The following IVNS1ABP variants were observed in gnomAD, a reference collection of about 807,000 sequenced individuals.
IVNS1ABP encodes the protein influenza virus NS1A-binding protein.
In IVNS1ABP, 25 loss-of-function variants were observed where a neutral mutation model predicts 78.9. The observed-to-expected ratio is 0.32, with a 90% CI of 0.23 to 0.44. IVNS1ABP has a LOEUF of 0.44. IVNS1ABP is among the 20% of genes least tolerant of loss of function. The probability of loss-of-function intolerance (pLI) is 1.00; values close to 1 mark genes in which losing one functional copy is unlikely to be tolerated. For synonymous variants in IVNS1ABP, 241 were observed against 259.7 expected, an observed-to-expected ratio of 0.93 and a Z score of 0.69; for missense variants, 494 against 768.9, an observed-to-expected ratio of 0.64 and a Z score of 4.23.
rs961272572 is a variant in IVNS1ABP, at chr1:185,297,412, CA to C, written c.*622del. 6.6e-6 allele frequency: 1 copy of C among 152,284 alleles called. No homozygotes were observed. Among genetic ancestry groups the C allele is most frequent in the African/African-American group, 2.4e-5 (1 of 41,444 alleles). 9.4% of individuals were successfully genotyped at this position (152,284 alleles called of 1,614,324 possible). A position where few individuals can be genotyped will look rare whatever the true frequency, so the allele number is the denominator to read the frequency against. On this transcript the variant is annotated 3_prime_UTR_variant, in exon 15 of 15. Transcript: ENST00000367498. ...GTTTAAAAGACAGACCCCTACTCTGCAAACTGAAGACTGCCACTCTGCTTCA... is the reference window on the plus strand; with the variant it reads ...GTTTAAAAGACAGACCCCTACTCTGCAACTGAAGACTGCCACTCTGCTTCA...
chr1:185,301,507 A>C lies in IVNS1ABP; in HGVS notation c.822T>G (p.Cys274Trp). 1 of 1,613,194 alleles carries C rather than the reference A, an allele frequency of 6.2e-7. No individual in the cohort carries two copies. The highest frequency in any genetic ancestry group is 8.5e-7 in the Non-Finnish European group (1 of 1,179,368). ...HKQISSSSTG[C>W]LSSPNATVQS... ...GTACTGTAGCATTTGGAGAAGAGAG[A>C]CATCCAGTTGAACTGCTACTTATCT... Residue 274 changes from cysteine to tryptophan, a missense_variant, in exon 9 of 15, where the codon TGT becomes TGG. Transcript: ENST00000367498.
chr1:185,306,408 G>T, intron 7 of IVNS1ABP: 1 of 1,156,150 alleles, frequency 8.6e-7, no homozygotes, highest in Non-Finnish European at 1.1e-6. Context: ...CAAGTTAAGT[G>T]AGTGACTATA....
chr1:185,304,570 G>A (rs573437399), intron 8 of IVNS1ABP, among the ~76,000 whole-genome samples: 4 of 152,128 alleles, frequency 2.6e-5, no homozygotes, highest in Non-Finnish European at 5.9e-5. Context: ...GGGCTGAGTC[G>A]ACTGCTTTAT....
chr1:185,307,725 T>C (rs918753113), intron 5 of IVNS1ABP, 63 bp from the exon 6 acceptor site: 40 of 1,499,568 alleles, frequency 2.7e-5, no homozygotes, highest in Middle Eastern at 1.8e-4. Flanking sequence ...ATATTTAATG[T>C]TCAGTGTGGT....
chr1:185,298,555 A>C lies in IVNS1ABP; in HGVS notation c.1676-267T>G. The C allele has an allele frequency of 2.2e-6, 1 of 457,512 alleles. No individual in the cohort carries two copies. Among genetic ancestry groups the C allele is most frequent in the African/African-American group, 2.0e-5 (1 of 50,458 alleles). The allele number at this position is 457,512 out of a possible 1,614,324, so 28.3% of individuals were successfully genotyped here. On this transcript the variant is annotated intron_variant, in intron 14 of 14. Transcript: ENST00000367498. This position sits in a 1 kb window ranked among gnomAD's most constrained non-coding sequence, Gnocchi z 4.1. ...GCAGTAGCAGCATCTAAATAAGTAC[A>C]ATTTTCACCAACTCTGTGGTAGTTA...
rs568386313 is a variant in IVNS1ABP at position 185,315,828 on chromosome 1, A to G, written c.-247+1125T>C. Among the ~76,000 whole-genome samples, 3 of 152,282 alleles carry G rather than the reference A, an allele frequency of 2.0e-5. No individual in the cohort carries two copies. The East Asian group carries it at 5.8e-4, about 29-fold the overall frequency. ...GTTAAGAGTGGTACTAGGCTTCCAG[A>G]GTTGTCATCTATTAGTAGACAGAAG... On this transcript the variant is annotated intron_variant, in intron 1 of 14. Transcript: ENST00000367498.
chr1:185,299,304 T>G (rs1665504232), intron 14 of IVNS1ABP: 1 of 181,132 alleles, frequency 5.5e-6, no homozygotes, highest in Admixed American at 5.4e-5. Context: ...TAAAATAGTC[T>G]AAAGGTTGTA....
intron 1 of IVNS1ABP, among the ~76,000 whole-genome samples, chr1:185,314,670 A>C (rs887632657): frequency 1.3e-5 from 2 of 152,084 alleles, no homozygotes; most frequent in African/African-American, 4.8e-5. Flanking sequence ...TGAGTAAAGC[A>C]TGGAAACAGG....
intron 10 of IVNS1ABP, 113 bp downstream of exon 10, chr1:185,300,859 C>G: frequency 1.3e-6 from 1 of 784,504 alleles, no homozygotes; most frequent in Non-Finnish European, 2.1e-6. Flanking sequence ...TGTTATTTCC[C>G]TATCTTATTG....
At chr1:185,313,235 G>GT (rs1665931772) in intron 1 of IVNS1ABP, among the ~76,000 whole-genome samples, 1 of 152,116 alleles carries the variant, frequency 6.6e-6, no homozygotes, top group South Asian at 2.1e-4. Flanking sequence ...ATTATTATGA[G>GT]TTTTGCAGTA....
Position 185,297,928 on chromosome 1 carries a change from T to TG in IVNS1ABP, c.*106dup. Reference sequence around the variant, plus strand: ...TATGCAATATGCAAAAGCTTTGTGTTGCTGTTAGCAACATCTATACCCACC... The same window carrying TG: ...TATGCAATATGCAAAAGCTTTGTGTTGGCTGTTAGCAACATCTATACCCACC... On this transcript the variant is annotated 3_prime_UTR_variant, in exon 15 of 15. Transcript: ENST00000367498. The TG allele has an allele frequency of 9.4e-7, 1 of 1,060,230 alleles. No homozygotes were observed. The highest frequency in any genetic ancestry group is 1.4e-6 in the Non-Finnish European group (1 of 720,462). 65.7% of individuals were successfully genotyped at this position (1,060,230 alleles called of 1,614,324 possible).
chr1:185,310,686 G>T (rs1168398216), intron 2 of IVNS1ABP, among the ~76,000 whole-genome samples: 2 of 152,016 alleles, frequency 1.3e-5, no homozygotes, highest in Non-Finnish European at 2.9e-5. Flanking sequence ...ACCAGTCTGG[G>T]AAACATAGTG....
rs1333330043 is a variant in IVNS1ABP at position 185,301,547 on chromosome 1, T to G, written c.782A>C (p.Glu261Ala). Residue 261 changes from glutamate to alanine, a missense_variant, in exon 9 of 15, where the codon GAG becomes GCG. Coordinates refer to ENST00000367498, the MANE Select transcript of IVNS1ABP (RefSeq NM_006469.5). ...GCTACTTATCTGCTTATGGCCATTC[T>G]CACGTGGTGGCTTTTTCTGCAAAAT... ...IQFVQKKPPR[E>A]NGHKQISSSS... is the part of the protein sequence containing the mutation. The G allele has an allele frequency of 6.2e-7, 1 of 1,612,934 alleles. No individual in the cohort carries two copies. Among genetic ancestry groups the G allele is most frequent in the African/African-American group, 1.3e-5 (1 of 74,846 alleles).
chr1:185,307,118 T>C lies in IVNS1ABP; in HGVS notation c.553A>G (p.Asn185Asp). The part of the protein sequence containing the change: ...RLKLEVMLED[N>D]VCLPSNGKLY... ...TTGCCATTGCTGGGCAAGCAAACAT[T>C]ATCTTCAAGCATTACCTCCAACTAG... The change falls in exon 7 of 15, where the codon AAT becomes GAT. Residue 185 changes from asparagine to aspartate, a missense_variant. Asn to Asp is a conservative substitution (Grantham distance 23, BLOSUM62 1). Coordinates refer to ENST00000367498, the MANE Select transcript of IVNS1ABP (RefSeq NM_006469.5). 2 of 1,613,478 alleles carry C rather than the reference T, an allele frequency of 1.2e-6. No individual in the cohort carries two copies. Among genetic ancestry groups the C allele is most frequent in the Non-Finnish European group, 1.7e-6 (2 of 1,179,538 alleles).
Position 185,300,111 on chromosome 1 carries a change from T to A in IVNS1ABP, c.1389A>T (p.Gly463=). ...RCNAGVCALN[G]KLYIVGGSDP... is the part of the protein sequence containing the mutation. ...CAGAGCCACCAACGATGTATAACTT[T>A]CCATTCAGAGCACACACTCCTATGT... Residue 463 remains glycine, a synonymous_variant, in exon 13 of 15, where the codon GGA becomes GGT. Transcript: ENST00000367498. The A allele has an allele frequency of 6.2e-7, 1 of 1,613,286 alleles. No homozygotes were observed. Among genetic ancestry groups the A allele is most frequent in the Non-Finnish European group, 8.5e-7 (1 of 1,179,558 alleles).
At position 185,301,534 on chromosome 1, in the gene IVNS1ABP, C is replaced by T. The variant is rs1413099211; in HGVS notation, c.795G>A (p.Lys265=). 1 of 1,613,128 alleles carries T rather than the reference C, an allele frequency of 6.2e-7. No individual in the cohort carries two copies. ...ATCCAGTTGAACTGCTACTTATCTG[C>T]TTATGGCCATTCTCACGTGGTGGCT... The part of the protein sequence containing the change: ...QKKPPRENGH[K]QISSSSTGCL... Residue 265 remains lysine, a synonymous_variant, in exon 9 of 15, where the codon AAG becomes AAA. Coordinates refer to ENST00000367498, the MANE Select transcript of IVNS1ABP (RefSeq NM_006469.5).
In IVNS1ABP at chr1:185,296,869, G is replaced by T. The variant is rs1665432755; in HGVS notation, c.*1166C>A. 6.6e-6 allele frequency: 1 copy of T among 152,162 alleles called. No homozygotes were observed. Among genetic ancestry groups the T allele is most frequent in the Non-Finnish European group, 1.5e-5 (1 of 68,022 alleles). 9.4% of individuals were successfully genotyped at this position (152,162 alleles called of 1,614,324 possible). A position where few individuals can be genotyped will look rare whatever the true frequency, so the allele number is the denominator to read the frequency against. On this transcript the variant is annotated 3_prime_UTR_variant, in exon 15 of 15. Transcript: ENST00000367498. ...TCAAAACTTTTAGTAATGAATGAGT[G>T]TACAAGCAGCAATTGGATATTAATC...
chr1:185,306,602 G>A, intron 7 of IVNS1ABP: 1 of 1,242,302 alleles, frequency 8.0e-7, no homozygotes, highest in Non-Finnish European at 1.0e-6. Flanking sequence ...TTCAGTCTTG[G>A]GTATCCTAGT....
intron 1 of IVNS1ABP, among the ~76,000 whole-genome samples, chr1:185,314,268 T>C (rs1198656802): frequency 6.6e-6 from 1 of 152,218 alleles, no homozygotes; most frequent in East Asian, 1.9e-4. Context: ...GCTCATAGTT[T>C]TGTAATTCTT....
Sources: gnomAD v4.1 joint callset for allele counts (sites outside exome capture counted in the v4.1 genomes callset) on GRCh38, gnomAD v4.1.1 for gene constraint, Gnocchi (gnomAD v3.1) non-coding constraint, MANE v1.5 for transcripts, NCBI Gene and HGNC (gene_info 2026-07-23, HGNC 2026-07-21) for gene names.